Variants in RALGPS2 observed in about 807,000 individuals in gnomAD.
RALGPS2 encodes Ral GEF with PH domain and SH3 binding motif 2.
A neutral mutation model predicts 86.8 loss-of-function variants in RALGPS2; 43 were observed. The observed-to-expected ratio is 0.50, with a 90% CI of 0.39 to 0.64. The LOEUF is 0.64. Among genes scored for constraint, RALGPS2 ranks in the 30% least tolerant of loss-of-function variants. RALGPS2 has a pLI of 0.00. For synonymous variants in RALGPS2, 243 were observed against 231.3 expected, an observed-to-expected ratio of 1.05 and a Z score of -0.46; for missense variants, 536 against 694.6, an observed-to-expected ratio of 0.77 and a Z score of 2.57.
At chr1:178,798,930 G>A (rs1247653744) in intron 4 of RALGPS2, among the ~76,000 whole-genome samples, 3 of 152,166 alleles carry the variant, frequency 2.0e-5, no homozygotes, top group African/African-American at 7.2e-5. Flanking sequence ...CTTAAAAATT[G>A]TCAGGATAAC....
rs114419065 is a variant in RALGPS2 at position 178,864,767 on chromosome 1, T to G, written c.608-12731T>G. On this transcript the variant is annotated intron_variant, in intron 8 of 19. Coordinates refer to ENST00000367635, the MANE Select transcript of RALGPS2 (RefSeq NM_152663.5). ...AATACATTAAGTTTTTATAAACTCC[T>G]GGAACTTCAGAGCTGGAAGAGGAGA... Among the ~76,000 whole-genome samples, 1,011 of 152,242 alleles carry G rather than the reference T, an allele frequency of 6.6e-3. 8 individuals are homozygous for G. The highest frequency in any genetic ancestry group is 0.023 in the African/African-American group (938 of 41,554).
intron 4 of RALGPS2, among the ~76,000 whole-genome samples, chr1:178,802,982 C>T (rs1208261672): frequency 6.6e-6 from 1 of 151,978 alleles, no homozygotes; most frequent in Admixed American, 6.6e-5. Flanking sequence ...TGAAAAAAAT[C>T]TGTGTATGAG....
chr1:178,771,355 A>G (rs933540983), intron 1 of RALGPS2, among the ~76,000 whole-genome samples: 17 of 152,184 alleles, frequency 1.1e-4, no homozygotes, highest in Non-Finnish European at 2.1e-4. Context: ...TTTGAAGAAT[A>G]TATTTATCGA....
rs144302372 is a variant in RALGPS2 at position 178,840,706 on chromosome 1, A to G, written c.607+7156A>G. 1.5e-3 allele frequency among the ~76,000 whole-genome samples: 223 copies of G among 152,300 alleles called. 3 individuals carry two copies. The East Asian group carries it at 0.027, about 19-fold the overall frequency. On this transcript the variant is annotated intron_variant, in intron 8 of 19. Coordinates refer to ENST00000367635, the MANE Select transcript of RALGPS2 (RefSeq NM_152663.5). ...ACCCTTCAAGAAAATCCATGAATCC[A>G]GGAGCTGGTGTTTTTTTAAAAGATC...
At chr1:178,845,879 A>G (rs1269718537) in intron 8 of RALGPS2, among the ~76,000 whole-genome samples, 1 of 152,098 alleles carries the variant, frequency 6.6e-6, no homozygotes, top group African/African-American at 2.4e-5. Flanking sequence ...CCTCTTTTCT[A>G]TATCCTGGAA....
intron 4 of RALGPS2, among the ~76,000 whole-genome samples, chr1:178,799,531 C>G (rs1231340751): frequency 6.6e-6 from 1 of 152,068 alleles, no homozygotes. Flanking sequence ...AACCCTGAGT[C>G]TTGAAGGGAA....
chr1:178,832,584 A>G (rs1028323858), intron 7 of RALGPS2, among the ~76,000 whole-genome samples: 1 of 152,122 alleles, frequency 6.6e-6, no homozygotes, highest in Non-Finnish European at 1.5e-5. Flanking sequence ...ATTAGGTGAG[A>G]CTTACATAGG....
chr1:178,850,937 A>G (rs1026803978), intron 8 of RALGPS2: 3 of 455,586 alleles, frequency 6.6e-6, no homozygotes, highest in Admixed American at 4.1e-5. Flanking sequence ...GTGGATACAC[A>G]TAATTTTCTG....
intron 4 of RALGPS2, among the ~76,000 whole-genome samples, chr1:178,805,330 G>A (rs562152253): frequency 5.3e-5 from 8 of 151,456 alleles, no homozygotes; most frequent in African/African-American, 1.7e-4. Context: ...TGCTTTTGGT[G>A]TTTTAGACAT....
intron 19 of RALGPS2, 141 bp downstream of exon 19, chr1:178,907,008 A>T (rs1660412686): frequency 1.3e-6 from 1 of 743,728 alleles, no homozygotes; most frequent in Non-Finnish European, 2.2e-6. Flanking sequence ...AGTTAATAAG[A>T]TATGAAGGTC....
intron 1 of RALGPS2, among the ~76,000 whole-genome samples, chr1:178,734,727 T>C (rs1390463955): frequency 6.6e-6 from 1 of 152,098 alleles, no homozygotes; most frequent in African/African-American, 2.4e-5. Flanking sequence ...AGGTGGAAAA[T>C]GTTGCACACT....
At chr1:178,730,160 ACTC>A (rs1319466069) in intron 1 of RALGPS2, among the ~76,000 whole-genome samples, 2 of 151,706 alleles carry the variant, frequency 1.3e-5, no homozygotes, top group African/African-American at 4.8e-5. Context: ...CAGGCTGTGA[ACTC>A]CTGACCTCAA....
At chr1:178,738,239 C>G (rs2102016522) in intron 1 of RALGPS2, among the ~76,000 whole-genome samples, 1 of 128,370 alleles carries the variant, frequency 7.8e-6, no homozygotes, top group Middle Eastern at 5.3e-3. Context: ...GTTAGAGTCT[C>G]ACTCTGTCGC....
intron 8 of RALGPS2, chr1:178,850,927 G>T: frequency 2.3e-6 from 1 of 429,294 alleles, no homozygotes; most frequent in South Asian, 7.8e-5. Context: ...TAACTAGGTT[G>T]TGGATACACA....
chr1:178,845,054 C>T (rs1411846921), intron 8 of RALGPS2, among the ~76,000 whole-genome samples: 4 of 150,500 alleles, frequency 2.7e-5, no homozygotes, highest in African/African-American at 7.4e-5. Flanking sequence ...TGGTGGCACA[C>T]GCCTGTATTC....
At chr1:178,791,814 T>C (rs758079072) in intron 4 of RALGPS2, among the ~76,000 whole-genome samples, 4 of 152,182 alleles carry the variant, frequency 2.6e-5, no homozygotes, top group Non-Finnish European at 2.9e-5. Flanking sequence ...TTATAAGAGG[T>C]ACAGTTGTTT....
At chr1:178,902,317 A>G in intron 18 of RALGPS2, 106 bp downstream of exon 18, 2 of 816,888 alleles carry the variant, frequency 2.4e-6, no homozygotes, top group South Asian at 2.0e-5. Flanking sequence ...TGTTTTATGC[A>G]TACATGAAGA....
chr1:178,845,661 A>G (rs1656832756), intron 8 of RALGPS2, among the ~76,000 whole-genome samples: 1 of 152,202 alleles, frequency 6.6e-6, no homozygotes, highest in African/African-American at 2.4e-5. Context: ...TGCATGGGTC[A>G]ACTCCTTACC....
At chr1:178,910,160 G>C (rs1048305365) in intron 19 of RALGPS2, among the ~76,000 whole-genome samples, 1 of 152,122 alleles carries the variant, frequency 6.6e-6, no homozygotes, top group Non-Finnish European at 1.5e-5. Context: ...GGAGCTTTGG[G>C]TCAGAGACTA....
Sources: allele counts gnomAD v4.1 joint callset (sites outside exome capture counted in the v4.1 genomes callset), GRCh38; gene constraint gnomAD v4.1.1; transcripts MANE v1.5; gene names NCBI Gene and HGNC (gene_info 2026-07-23, HGNC 2026-07-21).